Variants in FTO observed in about 807,000 individuals in gnomAD.
The protein encoded by FTO is FTO alpha-ketoglutarate dependent dioxygenase, also known as alpha-ketoglutarate-dependent dioxygenase FTO.
Under a neutral mutation model 63.9 loss-of-function variants are expected in FTO, and 47 were observed. That is an observed-to-expected ratio of 0.74 (90% CI 0.58 to 0.94). The LOEUF (loss-of-function observed/expected upper bound fraction) is 0.94. FTO is among the 40% of genes least tolerant of loss of function. The pLI, the probability that FTO is intolerant of heterozygous loss-of-function variation, is 0.00. For missense variants in FTO, 562 were observed against 618.1 expected, an observed-to-expected ratio of 0.91 and a Z score of 0.96; for synonymous variants, 207 against 224.4, an observed-to-expected ratio of 0.92 and a Z score of 0.69.
chr16:53,861,687 C>T (rs1170226149), intron 4 of FTO, among the ~76,000 whole-genome samples: 1 of 152,032 alleles, frequency 6.6e-6, no homozygotes, highest in African/African-American at 2.4e-5. Flanking sequence ...GCAATAGTTG[C>T]ATTAAATTAA....
intron 8 of FTO, among the ~76,000 whole-genome samples, chr16:54,108,706 G>A (rs760943725): frequency 1.3e-5 from 2 of 152,162 alleles, no homozygotes; most frequent in Non-Finnish European, 2.9e-5. Context: ...TAAACACTGC[G>A]TATAATTCAT....
At chr16:53,771,918 G>T (rs113940176) in intron 1 of FTO, among the ~76,000 whole-genome samples, 4,203 of 152,108 alleles carry the variant, frequency 0.028, 73 homozygotes, top group Non-Finnish European at 0.041. Context: ...CATAGAGACT[G>T]GAAATAGATT....
intron 8 of FTO, among the ~76,000 whole-genome samples, chr16:54,100,713 A>T (rs1350778587): frequency 6.6e-6 from 1 of 151,974 alleles, no homozygotes; most frequent in Non-Finnish European, 1.5e-5. Context: ...GTGAGAGGAG[A>T]TGTCATCGAA....
intron 7 of FTO, among the ~76,000 whole-genome samples, chr16:53,896,965 C>T (rs549284301): frequency 6.6e-6 from 1 of 152,154 alleles, no homozygotes; most frequent in Non-Finnish European, 1.5e-5. Context: ...CAAAAAATGA[C>T]TTACAGAGAG....
chr16:54,055,858 G>A (rs1393757767), intron 8 of FTO, among the ~76,000 whole-genome samples: 1 of 152,190 alleles, frequency 6.6e-6, no homozygotes, highest in African/African-American at 2.4e-5. Flanking sequence ...GGCTCAGAAA[G>A]CAGGTTTTCT....
intron 8 of FTO, among the ~76,000 whole-genome samples, chr16:53,952,786 T>A (rs2082829749): frequency 6.6e-6 from 1 of 152,184 alleles, no homozygotes; most frequent in Admixed American, 6.5e-5. Flanking sequence ...GAGCTAGACC[T>A]AATGCACATG....
At chr16:53,733,755 G>C (rs1477704630) in intron 1 of FTO, among the ~76,000 whole-genome samples, 1 of 152,150 alleles carries the variant, frequency 6.6e-6, no homozygotes, top group African/African-American at 2.4e-5. Context: ...AAAGATTTGA[G>C]TTTGTCTCAT....
At chr16:53,825,831 T>A in intron 2 of FTO, 33 bp from the exon 3 acceptor site, 1 of 1,607,532 alleles carries the variant, frequency 6.2e-7, no homozygotes, top group Non-Finnish European at 8.5e-7. Flanking sequence ...TAGCTATATA[T>A]CAACGTCTGT....
chr16:53,826,084 CG>C lies in FTO; in HGVS notation c.346del (p.Val116SerfsTer5). On this transcript the variant is annotated frameshift_variant, in exon 3 of 9. Transcript: ENST00000471389. LOFTEE classifies it high-confidence loss of function. Reference sequence around the variant, plus strand: ...AAGTACCTGAACACCAGGCTCTTTACGGTCCCCTGGCCAGTGAAAGGGTCTA... The same window carrying C: ...AAGTACCTGAACACCAGGCTCTTTACGTCCCCTGGCCAGTGAAAGGGTCTA... ...TYKYLNTRLF[T>X]VPWPVKGSNI... 6.2e-7 allele frequency: 1 copy of C among 1,614,138 alleles called. No homozygotes were observed. Among genetic ancestry groups the C allele is most frequent in the Non-Finnish European group, 8.5e-7 (1 of 1,180,026 alleles).
At chr16:53,855,393 T>C (rs866280466) in intron 4 of FTO, among the ~76,000 whole-genome samples, 2 of 152,198 alleles carry the variant, frequency 1.3e-5, no homozygotes, top group Admixed American at 6.5e-5. Flanking sequence ...TATTTAAATT[T>C]TCTAAAAATT....
chr16:53,892,541 T>G (rs1423169724), intron 7 of FTO, among the ~76,000 whole-genome samples: 1 of 152,198 alleles, frequency 6.6e-6, no homozygotes, highest in African/African-American at 2.4e-5. Context: ...ACTATCTTAC[T>G]CAAAATTATT....
chr16:53,760,261 T>TGTGTGTG (rs1567962941), intron 1 of FTO, among the ~76,000 whole-genome samples: 4 of 17,636 alleles, frequency 2.3e-4, no homozygotes, highest in Non-Finnish European at 4.4e-4. Context: ...TGTGTGTGTG[T>TGTGTGTG]TTTTTGGAGA....
intron 8 of FTO, among the ~76,000 whole-genome samples, chr16:53,996,292 T>C (rs1270451292): frequency 6.6e-6 from 1 of 152,158 alleles, no homozygotes; most frequent in Non-Finnish European, 1.5e-5. Flanking sequence ...AAAATAAAAG[T>C]GGAGACAGCA....
intron 8 of FTO, among the ~76,000 whole-genome samples, chr16:53,947,544 A>G (rs2082678992): frequency 1.3e-5 from 2 of 152,096 alleles, no homozygotes; most frequent in Non-Finnish European, 2.9e-5. Context: ...ATCTTGCAAA[A>G]GCCCCTGGCT....
At chr16:53,912,366 T>C (rs988458694) in intron 7 of FTO, among the ~76,000 whole-genome samples, 15 of 152,182 alleles carry the variant, frequency 9.9e-5, no homozygotes, top group African/African-American at 3.6e-4. Flanking sequence ...TTTGTGGTTT[T>C]ATGTGTTAAC....
intron 7 of FTO, among the ~76,000 whole-genome samples, chr16:53,931,642 C>T (rs567538006): frequency 1.3e-5 from 2 of 151,984 alleles, no homozygotes; most frequent in Admixed American, 1.3e-4. Flanking sequence ...TTCCTTTCAA[C>T]TTTAAGAACA....
chr16:53,990,536 G>C (rs1304269037), intron 8 of FTO, among the ~76,000 whole-genome samples: 1 of 152,128 alleles, frequency 6.6e-6, no homozygotes, highest in East Asian at 1.9e-4. Context: ...TCCCATAAAG[G>C]CTGGATGTAG....
At chr16:53,939,047 G>C (rs894272811) in intron 8 of FTO, among the ~76,000 whole-genome samples, 1 of 152,088 alleles carries the variant, frequency 6.6e-6, no homozygotes, top group Admixed American at 6.5e-5. Context: ...GCAGTGAGCC[G>C]AGATGACGCC....
At chr16:53,983,942 G>A (rs2083606134) in intron 8 of FTO, among the ~76,000 whole-genome samples, 3 of 152,152 alleles carry the variant, frequency 2.0e-5, no homozygotes, top group African/African-American at 7.2e-5. Context: ...ATGTATTTGA[G>A]GGCTAGCTTT....
Sources: gnomAD v4.1 joint callset for allele counts (sites outside exome capture counted in the v4.1 genomes callset) on GRCh38, gnomAD v4.1.1 for gene constraint, MANE v1.5 for transcripts, NCBI Gene and HGNC (gene_info 2026-07-23, HGNC 2026-07-21) for gene names.